The following RORA variants were observed in gnomAD, a reference collection of about 807,000 sequenced individuals.
RORA encodes RAR related orphan receptor A.
A neutral mutation model predicts 69.5 loss-of-function variants in RORA; 7 were observed. The ratio of observed to expected loss-of-function variants is 0.10; its 90% CI spans 0.06 to 0.19. The LOEUF (loss-of-function observed/expected upper bound fraction) is 0.19, where lower values mean the gene tolerates loss of function less well. Among genes scored for constraint, RORA ranks in the 10% least tolerant of loss-of-function variants. RORA has a pLI of 1.00. For missense variants in RORA, 457 were observed against 663.0 expected, an observed-to-expected ratio of 0.69 and a Z score of 3.41; for synonymous variants, 261 against 240.8, an observed-to-expected ratio of 1.08 and a Z score of -0.78.
chr15:61,049,309 C>A (rs1362285274), intron 1 of RORA, among the ~76,000 whole-genome samples: 2 of 152,004 alleles, frequency 1.3e-5, no homozygotes, highest in Non-Finnish European at 2.9e-5. Context: ...ATGGTGATAT[C>A]CCCCCGTCTA....
intron 2 of RORA, among the ~76,000 whole-genome samples, chr15:60,654,475 C>T (rs2070191696): frequency 6.6e-6 from 1 of 152,198 alleles, no homozygotes; most frequent in African/African-American, 2.4e-5. Context: ...GGCAAGTAGA[C>T]CCGAGGCTCT....
intron 1 of RORA, among the ~76,000 whole-genome samples, chr15:60,929,225 C>T (rs1892304430): frequency 6.6e-6 from 1 of 152,178 alleles, no homozygotes. Context: ...CGCTCATTCA[C>T]AGTCTGGTGC....
At chr15:60,919,446 C>T (rs1250767068) in intron 1 of RORA, among the ~76,000 whole-genome samples, 1 of 152,198 alleles carries the variant, frequency 6.6e-6, no homozygotes, top group African/African-American at 2.4e-5. Context: ...AATGCAATTC[C>T]TTCATGAGGG....
chr15:61,175,815 C>T (rs1319936641), intron 1 of RORA, among the ~76,000 whole-genome samples: 1 of 152,152 alleles, frequency 6.6e-6, no homozygotes, highest in African/African-American at 2.4e-5. Flanking sequence ...AGTCTCAGAC[C>T]CATATTTCTT....
At chr15:60,834,659 A>T (rs946314494) in intron 1 of RORA, among the ~76,000 whole-genome samples, 22 of 152,224 alleles carry the variant, frequency 1.4e-4, no homozygotes, top group African/African-American at 4.1e-4. Flanking sequence ...CACAAAGCCC[A>T]TGGGGGAAGA....
chr15:60,666,540 C>G (rs2070385381), intron 2 of RORA, among the ~76,000 whole-genome samples: 2 of 151,952 alleles, frequency 1.3e-5, no homozygotes, highest in African/African-American at 4.8e-5. Flanking sequence ...AACTATTCTG[C>G]AATACATTTT....
intron 2 of RORA, among the ~76,000 whole-genome samples, chr15:60,578,561 C>T (rs1417214457): frequency 6.6e-6 from 1 of 152,104 alleles, no homozygotes; most frequent in African/African-American, 2.4e-5. Context: ...ATTCAAAAAA[C>T]AGCTAGTTCA....
chr15:60,852,473 T>C (rs1031453493), intron 1 of RORA, among the ~76,000 whole-genome samples: 19 of 152,132 alleles, frequency 1.2e-4, no homozygotes, highest in African/African-American at 4.6e-4. Flanking sequence ...GTTGTAAGGA[T>C]TAAATGAAAC....
chr15:61,005,501 T>A (rs558790014), intron 1 of RORA, among the ~76,000 whole-genome samples: 2 of 152,024 alleles, frequency 1.3e-5, no homozygotes, highest in Non-Finnish European at 2.9e-5. Context: ...ACAAAAGTTA[T>A]GCTTACAACA....
At chr15:61,163,912 C>T (rs2079518626) in intron 1 of RORA, among the ~76,000 whole-genome samples, 2 of 152,230 alleles carry the variant, frequency 1.3e-5, no homozygotes, top group Admixed American at 1.3e-4. Context: ...GATGAAACCA[C>T]TTACCCAAGG....
At chr15:61,221,129 C>G (rs1285592211) in intron 1 of RORA, among the ~76,000 whole-genome samples, 2 of 152,214 alleles carry the variant, frequency 1.3e-5, no homozygotes, top group Non-Finnish European at 1.5e-5. Flanking sequence ...AAGAAGCATA[C>G]AGTTGACTGT....
At chr15:60,615,300 C>T (rs182010497) in intron 2 of RORA, among the ~76,000 whole-genome samples, 94 of 152,262 alleles carry the variant, frequency 6.2e-4, no homozygotes, top group African/African-American at 2.0e-3. Context: ...GCCTTGAGAT[C>T]GAGTGCTTCT....
intron 1 of RORA, among the ~76,000 whole-genome samples, chr15:60,720,482 A>G (rs2140823369): frequency 6.6e-6 from 1 of 152,338 alleles, no homozygotes; most frequent in Middle Eastern, 3.4e-3. Flanking sequence ...ACATTTAACC[A>G]TCCTCATTGG....
intron 1 of RORA, among the ~76,000 whole-genome samples, chr15:61,093,416 G>T (rs564572699): frequency 1.3e-5 from 2 of 152,302 alleles, no homozygotes; most frequent in Admixed American, 1.3e-4. Context: ...TAGGCATGAG[G>T]CCACATGGTG....
rs1458946223 is a variant in RORA, at chr15:60,643,891, G to A, written c.196+34766C>T. On this transcript the variant is annotated intron_variant, in intron 2 of 10. Coordinates refer to ENST00000335670, the MANE Select transcript of RORA (RefSeq NM_134261.3). ...GAAAAAATAAATAAAAAACTGAGAA[G>A]GAAGGTTCAGGACAGTGTGTGGCAG... Among the ~76,000 whole-genome samples, 3 of 152,256 alleles carry A rather than the reference G, an allele frequency of 2.0e-5. No homozygotes were observed. In the East Asian group the frequency reaches 5.8e-4, roughly 29 times the overall value.
intron 1 of RORA, among the ~76,000 whole-genome samples, chr15:61,074,809 G>A (rs976068452): frequency 6.6e-6 from 1 of 152,094 alleles, no homozygotes; most frequent in African/African-American, 2.4e-5. Flanking sequence ...TGGAGAAGTC[G>A]GGTGTGGTGG....
chr15:61,119,413 ACTATAT>A (rs1195747114), intron 1 of RORA, among the ~76,000 whole-genome samples: 3 of 137,518 alleles, frequency 2.2e-5, no homozygotes, highest in African/African-American at 9.3e-5. Context: ...ATATACACAC[ACTATAT>A]ATATATATAT....
rs151337742 is a variant in RORA, at chr15:61,171,365, T to C, written c.166+57688A>G. On this transcript the variant is annotated intron_variant, in intron 1 of 10. Coordinates refer to ENST00000335670, the MANE Select transcript of RORA (RefSeq NM_134261.3). ...TTCTCAGCCCTGGCATGTGTCACAATGACCTGGAGAGCCTGCTAAGCCAGA... is the reference window on the plus strand; with the variant it reads ...TTCTCAGCCCTGGCATGTGTCACAACGACCTGGAGAGCCTGCTAAGCCAGA... Among the ~76,000 whole-genome samples the C allele has an allele frequency of 3.9e-5, 6 of 152,282 alleles. 1 individual carries two copies. The highest frequency in any genetic ancestry group is 1.4e-4 in the African/African-American group (6 of 41,560).
Position 60,870,721 on chromosome 15 carries a change from G to A in RORA, c.167-192035C>T, listed in dbSNP as rs1014274751. 4.6e-5 allele frequency among the ~76,000 whole-genome samples: 7 copies of A among 152,310 alleles called. No homozygotes were observed. The East Asian group carries it at 1.3e-3, about 29-fold the overall frequency. ...GCCTGCATCTTCCCCTCCCCACTAG[G>A]CATTCTGGTTGTCAGTGGTCACAGG... On this transcript the variant is annotated intron_variant, in intron 1 of 10. Transcript: ENST00000335670.
Sources: gnomAD v4.1 joint callset for allele counts (sites outside exome capture counted in the v4.1 genomes callset) on GRCh38, gnomAD v4.1.1 for gene constraint, MANE v1.5 for transcripts, NCBI Gene and HGNC (gene_info 2026-07-23, HGNC 2026-07-21) for gene names.